The following MSH3 variants were observed in gnomAD, a reference collection of about 807,000 sequenced individuals.
MSH3 encodes the protein DNA mismatch repair protein Msh3.
A neutral mutation model predicts 123.3 loss-of-function variants in MSH3; 106 were observed. The ratio of observed to expected loss-of-function variants is 0.86; its 90% CI spans 0.73 to 1.01. The LOEUF (loss-of-function observed/expected upper bound fraction) is 1.01, where lower values mean the gene tolerates loss of function less well. MSH3 is among the 50% of genes least tolerant of loss of function. The probability of loss-of-function intolerance (pLI) is 0.00; values close to 1 mark genes in which losing one functional copy is unlikely to be tolerated. For missense variants in MSH3, 1,459 were observed against 1,347.6 expected, an observed-to-expected ratio of 1.08 and a Z score of -1.29; for synonymous variants, 515 against 481.4, an observed-to-expected ratio of 1.07 and a Z score of -0.91.
chr5:80,862,845 T>A (rs1306892591), intron 21 of MSH3, among the ~76,000 whole-genome samples: 1 of 152,168 alleles, frequency 6.6e-6, no homozygotes, highest in Non-Finnish European at 1.5e-5. Flanking sequence ...AAGTGAAACC[T>A]CTGCTTTACA....
At chr5:80,656,311 A>G in intron 1 of MSH3, 100 bp from the exon 2 acceptor site, 4 of 1,501,360 alleles carry the variant, frequency 2.7e-6, no homozygotes, top group Non-Finnish European at 3.7e-6. Context: ...GTGGATGGCA[A>G]GGAACCTTGT....
chr5:80,856,719 A>C (rs1580093517), intron 21 of MSH3, among the ~76,000 whole-genome samples: 1 of 152,142 alleles, frequency 6.6e-6, no homozygotes, highest in African/African-American at 2.4e-5. Context: ...AAAAAAAGAA[A>C]CTACATAGGA....
intron 10 of MSH3, among the ~76,000 whole-genome samples, chr5:80,737,835 A>G (rs1163305114): frequency 6.6e-6 from 1 of 152,204 alleles, no homozygotes; most frequent in Admixed American, 6.5e-5. Flanking sequence ...TAGTTGCTTG[A>G]TAATTATTCT....
chr5:80,858,848 A>G (rs545280256), intron 21 of MSH3, among the ~76,000 whole-genome samples: 8 of 152,226 alleles, frequency 5.3e-5, no homozygotes, highest in African/African-American at 1.7e-4. Context: ...TTCTCTTTGT[A>G]GTTCTATCAG....
chr5:80,785,315 G>C (rs150490534), intron 17 of MSH3, among the ~76,000 whole-genome samples: 6 of 152,256 alleles, frequency 3.9e-5, no homozygotes, highest in African/African-American at 1.2e-4. Context: ...CTGATCCGTG[G>C]TCAGACGCGT....
At chr5:80,751,522 C>G (rs777917172) in intron 12 of MSH3, among the ~76,000 whole-genome samples, 3 of 152,186 alleles carry the variant, frequency 2.0e-5, no homozygotes, top group Non-Finnish European at 1.5e-5. Flanking sequence ...AGAATCTGTT[C>G]TGGTCCTCTC....
intron 8 of MSH3, among the ~76,000 whole-genome samples, chr5:80,707,565 A>C (rs1459488393): frequency 2.0e-5 from 3 of 148,998 alleles, no homozygotes; most frequent in Non-Finnish European, 3.0e-5. Flanking sequence ...TCTAAAAAAA[A>C]AAACAAAAAA....
intron 20 of MSH3, among the ~76,000 whole-genome samples, chr5:80,826,600 G>C (rs1745312807): frequency 6.6e-6 from 1 of 151,068 alleles, no homozygotes; most frequent in South Asian, 2.1e-4. Flanking sequence ...CCAGGCTGGA[G>C]TGCAGTGGCA....
At chr5:80,863,598 G>A (rs979152593) in intron 21 of MSH3, among the ~76,000 whole-genome samples, 21 of 151,752 alleles carry the variant, frequency 1.4e-4, no homozygotes, top group African/African-American at 5.1e-4. Flanking sequence ...GTAAACCCGG[G>A]AGGCGGAGCT....
intron 8 of MSH3, among the ~76,000 whole-genome samples, chr5:80,708,968 T>C (rs1750782726): frequency 6.6e-6 from 1 of 151,872 alleles, no homozygotes; most frequent in African/African-American, 2.4e-5. Context: ...AGAGACAGGG[T>C]TTCACCATGT....
intron 19 of MSH3, among the ~76,000 whole-genome samples, chr5:80,806,190 C>A (rs1283088514): frequency 6.6e-6 from 1 of 152,124 alleles, no homozygotes; most frequent in East Asian, 1.9e-4. Flanking sequence ...CCTCCGCCTC[C>A]CAGGTTCAAG....
intron 13 of MSH3, among the ~76,000 whole-genome samples, chr5:80,767,221 G>A (rs1000943010): frequency 2.3e-4 from 35 of 150,936 alleles, no homozygotes; most frequent in Non-Finnish European, 4.4e-4. Context: ...CTATTTGTTA[G>A]TCTATTTTTA....
intron 2 of MSH3, among the ~76,000 whole-genome samples, chr5:80,661,976 A>G (rs938573621): frequency 4.6e-5 from 7 of 152,204 alleles, no homozygotes; most frequent in Non-Finnish European, 1.0e-4. Context: ...ACACCATTAT[A>G]TCGTATTTCC....
chr5:80,659,764 T>C (rs905070905), intron 2 of MSH3, among the ~76,000 whole-genome samples: 4 of 152,134 alleles, frequency 2.6e-5, no homozygotes, highest in African/African-American at 9.7e-5. Context: ...TATAACTCTG[T>C]ACCCATTAAA....
intron 19 of MSH3, among the ~76,000 whole-genome samples, chr5:80,810,522 CATATCTTG>C (rs1443745704): frequency 1.3e-5 from 2 of 152,066 alleles, no homozygotes; most frequent in African/African-American, 4.8e-5. Flanking sequence ...TATTGCTCTC[CATATCTTG>C]ACAGCATACT....
intron 13 of MSH3, among the ~76,000 whole-genome samples, chr5:80,764,521 T>G (rs553073519): frequency 4.3e-4 from 59 of 135,758 alleles, no homozygotes; most frequent in African/African-American, 1.6e-3. Flanking sequence ...CAGCTATTTT[T>G]TTTTTTTTTT....
chr5:80,876,434 C>T lies in MSH3; in HGVS notation c.*572C>T, dbSNP rs1746308902. Reference sequence around the variant, plus strand: ...CCTGGCCAACATGGCAAAACCCCATCTTTACTAAAAATATAAAGTACATCT... The same window carrying T: ...CCTGGCCAACATGGCAAAACCCCATTTTTACTAAAAATATAAAGTACATCT... On this transcript the variant is annotated 3_prime_UTR_variant, in exon 24 of 24. Coordinates refer to ENST00000265081, the MANE Select transcript of MSH3 (RefSeq NM_002439.5). 6.1e-6 allele frequency: 1 copy of T among 163,602 alleles called. No homozygotes were observed. The highest frequency in any genetic ancestry group is 2.4e-5 in the African/African-American group (1 of 41,714). The allele number at this position is 163,602 out of a possible 1,614,324, so 10.1% of individuals were successfully genotyped here. A position where few individuals can be genotyped will look rare whatever the true frequency, so the allele number is the denominator to read the frequency against.
At chr5:80,740,991 C>T (rs570364813) in intron 10 of MSH3, among the ~76,000 whole-genome samples, 2 of 152,268 alleles carry the variant, frequency 1.3e-5, no homozygotes, top group Admixed American at 6.5e-5. Flanking sequence ...GCTGGGATTA[C>T]AGGTGTGAGC....
At chr5:80,772,477 AT>A (rs1744229724) in intron 15 of MSH3, among the ~76,000 whole-genome samples, 1 of 152,102 alleles carries the variant, frequency 6.6e-6, no homozygotes, top group Non-Finnish European at 1.5e-5. Context: ...GGCTATATAG[AT>A]TGAATAACAA....
Sources: allele counts gnomAD v4.1 joint callset (sites outside exome capture counted in the v4.1 genomes callset), GRCh38; gene constraint gnomAD v4.1.1; transcripts MANE v1.5; gene names NCBI Gene and HGNC (gene_info 2026-07-23, HGNC 2026-07-21).